Variants in ACTR3C observed in about 807,000 individuals in gnomAD.
The protein encoded by ACTR3C is actin related protein 3C.
Under a neutral mutation model 26.3 loss-of-function variants are expected in ACTR3C, and 18 were observed. The ratio of observed to expected loss-of-function variants is 0.68; its 90% CI spans 0.47 to 1.01. ACTR3C has a LOEUF of 1.01. Ranked by LOEUF, ACTR3C falls within the 50% of genes least tolerant of loss-of-function variation. The pLI is 0.00. For synonymous variants in ACTR3C, 55 were observed against 94.5 expected (o/e 0.58, Z 2.42); for missense variants, 184 against 250.7 (o/e 0.73, Z 1.80).
chr7:149,928,463 A>C, the ACTR3C span, among the ~76,000 whole-genome samples: 2 of 136,366 alleles, frequency 1.5e-5, no homozygotes, highest in Admixed American at 8.0e-5. Flanking sequence ...CTCATGATCC[A>C]CCTCCTCGGC....
At chr7:150,143,005 G>T in the ACTR3C span, among the ~76,000 whole-genome samples, 1 of 150,652 alleles carries the variant, frequency 6.6e-6, no homozygotes, top group Non-Finnish European at 1.5e-5. Flanking sequence ...GCTAATTTTT[G>T]TATATTTAGT....
the ACTR3C span, among the ~76,000 whole-genome samples, chr7:150,004,095 C>T: frequency 1.6e-3 from 221 of 142,492 alleles, no homozygotes; most frequent in Admixed American, 2.9e-3. Context: ...TGCTGTGTGT[C>T]GTGTGTATGG....
the ACTR3C span, among the ~76,000 whole-genome samples, chr7:150,182,419 TTG>T: frequency 2.0e-5 from 3 of 150,974 alleles, no homozygotes; most frequent in Non-Finnish European, 2.9e-5. Context: ...TTACTTTAAA[TTG>T]TGTTATTCAA....
At chr7:149,910,438 A>T in the ACTR3C span, among the ~76,000 whole-genome samples, 2 of 152,042 alleles carry the variant, frequency 1.3e-5, no homozygotes, top group Non-Finnish European at 2.9e-5. Flanking sequence ...TTCCAAAAGC[A>T]TTTGCTAGTC....
the ACTR3C span, among the ~76,000 whole-genome samples, chr7:149,955,902 A>G: frequency 4.6e-5 from 7 of 152,118 alleles, no homozygotes; most frequent in Non-Finnish European, 7.4e-5. Flanking sequence ...ATGGTCCCCA[A>G]CTCACCCTGG....
At chr7:150,256,962 T>C (rs1279073011) in intron 6 of ACTR3C, among the ~76,000 whole-genome samples, 4 of 152,222 alleles carry the variant, frequency 2.6e-5, no homozygotes, top group Non-Finnish European at 4.4e-5. Flanking sequence ...ATATGGAGTA[T>C]ATTCTTGAAT....
At chr7:150,136,295 C>G in the ACTR3C span, among the ~76,000 whole-genome samples, 1 of 152,308 alleles carries the variant, frequency 6.6e-6, no homozygotes, top group East Asian at 1.9e-4. Context: ...GAAACGCCAA[C>G]AAGAGATGAA....
the ACTR3C span, among the ~76,000 whole-genome samples, chr7:150,155,254 G>A: frequency 1.3e-5 from 2 of 152,154 alleles, no homozygotes; most frequent in African/African-American, 2.4e-5. Context: ...AAACACCACC[G>A]AAGCAGCATC....
chr7:150,135,608 A>G, the ACTR3C span, among the ~76,000 whole-genome samples: 14 of 152,210 alleles, frequency 9.2e-5, no homozygotes, highest in African/African-American at 3.4e-4. Flanking sequence ...GCTCTAGATT[A>G]TTTCAGAAAA....
chr7:150,144,264 G>GA, the ACTR3C span, among the ~76,000 whole-genome samples: 9 of 152,182 alleles, frequency 5.9e-5, no homozygotes, highest in South Asian at 2.1e-4. The surrounding 1 kb of genome is among the most constrained non-coding windows in gnomAD (Gnocchi z 4.6). Flanking sequence ...CTAAAGACTA[G>GA]AAAAAATACC....
chr7:150,198,388 T>G, the ACTR3C span, among the ~76,000 whole-genome samples: 2 of 146,048 alleles, frequency 1.4e-5, no homozygotes, highest in East Asian at 4.1e-4. Flanking sequence ...CCATCCCATC[T>G]AGGAAGTGAG....
chr7:149,976,721 G>A, the ACTR3C span, among the ~76,000 whole-genome samples: 1 of 151,920 alleles, frequency 6.6e-6, no homozygotes, highest in Non-Finnish European at 1.5e-5. Flanking sequence ...GGAGACCACA[G>A]GTAATGTGTC....
chr7:150,039,521 C>G, the ACTR3C span, among the ~76,000 whole-genome samples: 1 of 87,612 alleles, frequency 1.1e-5, no homozygotes, highest in Non-Finnish European at 2.6e-5. Flanking sequence ...GGGGTGCCTC[C>G]CCCTCCTGCG....
the ACTR3C span, among the ~76,000 whole-genome samples, chr7:150,016,550 G>A: frequency 0.036 from 5,466 of 151,872 alleles, 222 homozygotes; most frequent in African/African-American, 0.082. Flanking sequence ...ATCAAGACGG[G>A]TATGGATATT....
At chr7:150,199,111 A>T in the ACTR3C span, among the ~76,000 whole-genome samples, 1 of 150,356 alleles carries the variant, frequency 6.7e-6, no homozygotes, top group South Asian at 2.1e-4. Context: ...GGTGTGCCCA[A>T]CAGCTCATTG....
At chr7:150,154,795 G>A in the ACTR3C span, among the ~76,000 whole-genome samples, 1,135 of 152,148 alleles carry the variant, frequency 7.5e-3, 9 homozygotes, top group African/African-American at 0.025. Context: ...AACTGGGTTC[G>A]GAGAGTCTTC....
At chr7:149,900,261 C>CA in the ACTR3C span, among the ~76,000 whole-genome samples, 3 of 152,028 alleles carry the variant, frequency 2.0e-5, no homozygotes, top group African/African-American at 7.3e-5. Context: ...CTGCAACCTC[C>CA]ACCTCCCGGG....
intron 6 of ACTR3C, among the ~76,000 whole-genome samples, chr7:150,259,291 A>AAGAAAGAAAAAG (rs879890269): frequency 1.4e-4 from 21 of 149,608 alleles, no homozygotes; most frequent in African/African-American, 5.3e-4. Context: ...GAAAGAAAGA[A>AAGAAAGAAAAAG]AAAGAAAGAA....
intron 6 of ACTR3C, among the ~76,000 whole-genome samples, chr7:150,257,931 G>A (rs1314117603): frequency 6.6e-6 from 1 of 152,092 alleles, no homozygotes; most frequent in Admixed American, 6.5e-5. Context: ...ACAACATCAT[G>A]AAGATGATGG....
Sources: gnomAD v4.1 joint callset for allele counts (sites outside exome capture counted in the v4.1 genomes callset) on GRCh38, gnomAD v4.1.1 for gene constraint, Gnocchi (gnomAD v3.1) non-coding constraint, MANE v1.5 for transcripts, NCBI Gene and HGNC (gene_info 2026-07-23, HGNC 2026-07-21) for gene names.